The following SORBS2 variants were observed in gnomAD, a reference collection of about 807,000 sequenced individuals.
The protein encoded by SORBS2 is sorbin and SH3 domain containing 2, also known as sorbin and SH3 domain-containing protein 2.
A neutral mutation model predicts 97.7 loss-of-function variants in SORBS2; 46 were observed. That is an observed-to-expected ratio of 0.47 (90% CI 0.37 to 0.60). The LOEUF is 0.60. Among genes scored for constraint, SORBS2 ranks in the 20% least tolerant of loss-of-function variants. SORBS2 has a pLI of 0.00. For missense variants in SORBS2, 1,316 were observed against 1,282.3 expected, an observed-to-expected ratio of 1.03 and a Z score of -0.40; for synonymous variants, 476 against 473.4, an observed-to-expected ratio of 1.01 and a Z score of -0.07.
rs561223935 is a variant in SORBS2 at position 185,646,899 on chromosome 4, A to G, written c.282-117T>C. 24 of 643,762 alleles carry G rather than the reference A, an allele frequency of 3.7e-5. No homozygotes were observed. In the Admixed American group the frequency reaches 5.5e-4, roughly 15 times the overall value. The allele number at this position is 643,762 out of a possible 1,614,324, so 39.9% of individuals were successfully genotyped here. On this transcript the variant is annotated intron_variant, in intron 3 of 14. Coordinates refer to ENST00000418609, the Ensembl canonical transcript of SORBS2. ...AGCATAGTTTTAAAAAAAATCTCTC[A>G]GGATAAAAAGTTAACCTGTGAAAAA... is the stretch of plus-strand genomic sequence containing the variant.
At chr4:185,740,000 C>G (rs919712058) in intron 2 of SORBS2, 2 of 152,736 alleles carry the variant, frequency 1.3e-5, no homozygotes, top group South Asian at 4.1e-4. Flanking sequence ...CAAACACTTA[C>G]GTTTTGTGGA....
chr4:185,658,635 T>C (rs1200905856), upstream of SORBS2, among the ~76,000 whole-genome samples: 1 of 151,812 alleles, frequency 6.6e-6, no homozygotes, highest in East Asian at 1.9e-4. Flanking sequence ...TATGTGTATA[T>C]GATATATATC....
At chr4:185,595,646 G>C (rs1252966814) in intron 12 of SORBS2, among the ~76,000 whole-genome samples, 1 of 150,960 alleles carries the variant, frequency 6.6e-6, no homozygotes, top group African/African-American at 2.4e-5. Context: ...TTTTTTCTCA[G>C]TCTTCTTTCT....
At chr4:185,692,016 G>A (rs1223365898) in intron 2 of SORBS2, among the ~76,000 whole-genome samples, 1 of 152,184 alleles carries the variant, frequency 6.6e-6, no homozygotes, top group Non-Finnish European at 1.5e-5. Flanking sequence ...CAAAGAAAAA[G>A]GTTTTAAATA....
At chr4:185,864,737 C>T (rs140489025) in intron 1 of SORBS2, among the ~76,000 whole-genome samples, 1 of 151,898 alleles carries the variant, frequency 6.6e-6, no homozygotes, top group Non-Finnish European at 1.5e-5. Context: ...ATGGTGAAAC[C>T]CTGTCTCTAC....
chr4:185,667,547 G>C (rs765343720), intron 4 of SORBS2, among the ~76,000 whole-genome samples: 21 of 151,972 alleles, frequency 1.4e-4, no homozygotes, highest in Non-Finnish European at 2.8e-4. Flanking sequence ...ATAAACTTCA[G>C]GGGGACAGAG....
At chr4:185,908,264 A>C (rs868702611) in intron 1 of SORBS2, among the ~76,000 whole-genome samples, 1 of 113,132 alleles carries the variant, frequency 8.8e-6, no homozygotes, top group Non-Finnish European at 1.7e-5. Context: ...CTACTAGTGA[A>C]CCCATGCAAA....
chr4:185,925,912 A>T (rs2099263386), intron 1 of SORBS2, among the ~76,000 whole-genome samples: 1 of 152,244 alleles, frequency 6.6e-6, no homozygotes, highest in African/African-American at 2.4e-5. Flanking sequence ...CTCCTCTGGC[A>T]AGACAGGACT....
At chr4:185,688,346 G>A (rs1053659955) in intron 2 of SORBS2, among the ~76,000 whole-genome samples, 1 of 151,746 alleles carries the variant, frequency 6.6e-6, no homozygotes, top group Admixed American at 6.6e-5. Context: ...TTGATATATT[G>A]GATAGATATA....
At chr4:185,712,607 G>A (rs928016701) in intron 2 of SORBS2, among the ~76,000 whole-genome samples, 2 of 152,222 alleles carry the variant, frequency 1.3e-5, no homozygotes, top group Non-Finnish European at 2.9e-5. Flanking sequence ...GGACAGCAGA[G>A]CTAGAACAGC....
chr4:185,863,476 A>C (rs1487702076), intron 1 of SORBS2, among the ~76,000 whole-genome samples: 1 of 152,220 alleles, frequency 6.6e-6, no homozygotes, highest in Non-Finnish European at 1.5e-5. Flanking sequence ...AAAAGACCAC[A>C]TGTTTAATAT....
Position 185,650,600 on chromosome 4 carries a change from T to C in SORBS2, c.92-944A>G, listed in dbSNP as rs1452126274. Among the ~76,000 whole-genome samples the C allele has an allele frequency of 3.3e-5, 5 of 152,198 alleles. No homozygotes were observed. In the East Asian group the frequency reaches 9.6e-4, roughly 29 times the overall value. On this transcript the variant is annotated intron_variant, in intron 2 of 14. Transcript: ENST00000418609. ...AAAACAGTTATAAAAATTCTAAATT[T>C]TCCTGCACCCAATCATTGGAGCTAA...
chr4:185,595,409 A>G (rs2096062079), intron 12 of SORBS2, among the ~76,000 whole-genome samples: 1 of 152,148 alleles, frequency 6.6e-6, no homozygotes, highest in South Asian at 2.1e-4. Context: ...ATTATGACTA[A>G]CCAGTTTTCC....
At chr4:185,613,260 C>A (rs1010234044) in intron 11 of SORBS2, among the ~76,000 whole-genome samples, 1 of 152,194 alleles carries the variant, frequency 6.6e-6, no homozygotes, top group Non-Finnish European at 1.5e-5. Context: ...AGAAGAACTT[C>A]GACCTTGAGT....
intron 1 of SORBS2, among the ~76,000 whole-genome samples, chr4:185,900,866 T>A (rs1317753166): frequency 3.3e-5 from 5 of 152,156 alleles, no homozygotes; most frequent in African/African-American, 1.2e-4. Context: ...ACAGACTGCT[T>A]TTAATCTACA....
intron 1 of SORBS2, among the ~76,000 whole-genome samples, chr4:185,859,559 T>C: frequency 6.6e-6 from 1 of 152,288 alleles, no homozygotes; most frequent in East Asian, 1.9e-4. Flanking sequence ...CTCATTCTCA[T>C]GGAAAATTGA....
At chr4:185,726,528 A>G (rs1052652779) in intron 2 of SORBS2, among the ~76,000 whole-genome samples, 11 of 152,038 alleles carry the variant, frequency 7.2e-5, no homozygotes, top group African/African-American at 2.7e-4. Flanking sequence ...TACTTAACCT[A>G]CAATGCTTAC....
chr4:185,608,171 C>A (rs1347482959), intron 12 of SORBS2, among the ~76,000 whole-genome samples: 3 of 152,066 alleles, frequency 2.0e-5, no homozygotes, highest in African/African-American at 7.2e-5. Context: ...CAGGATAGCC[C>A]AATCTTTTAA....
chr4:185,621,740 A>G (rs548982492), intron 7 of SORBS2, among the ~76,000 whole-genome samples: 211 of 144,090 alleles, frequency 1.5e-3, no homozygotes, highest in African/African-American at 5.2e-3. Flanking sequence ...ACTGTGAATT[A>G]TGTCTTTTTT....
Sources: allele counts gnomAD v4.1 joint callset (sites outside exome capture counted in the v4.1 genomes callset), GRCh38; gene constraint gnomAD v4.1.1; transcripts MANE v1.5; gene names NCBI Gene and HGNC (gene_info 2026-07-23, HGNC 2026-07-21).